Variants in FANCI observed in about 807,000 individuals in gnomAD.
The protein encoded by FANCI is FA complementation group I, also known as Fanconi anemia group I protein.
Under a neutral mutation model 176.1 loss-of-function variants are expected in FANCI, and 156 were observed. The observed-to-expected ratio is 0.89, with a 90% CI of 0.78 to 1.01. The LOEUF (loss-of-function observed/expected upper bound fraction) is 1.01. Among genes scored for constraint, FANCI ranks in the 50% least tolerant of loss-of-function variants. FANCI has a pLI of 0.00. For synonymous variants in FANCI, 613 were observed against 541.7 expected (o/e 1.13, Z -1.83); for missense variants, 1,678 against 1,534.1 (o/e 1.09, Z -1.57).
intron 13 of FANCI, 137 bp from the exon 14 acceptor site, chr15:89,278,550 C>T (rs1218507896): frequency 4.4e-6 from 3 of 686,288 alleles, no homozygotes; most frequent in African/African-American, 1.8e-5. Flanking sequence ...TCTGTCTTTC[C>T]AGATGATTCA....
At chr15:89,296,112 G>A (rs115050147) in intron 24 of FANCI, among the ~76,000 whole-genome samples, 1,695 of 151,870 alleles carry the variant, frequency 0.011, 29 homozygotes, top group African/African-American at 0.039. Flanking sequence ...GGATTACAGG[G>A]CACCACCATG....
chr15:89,282,080 C>T lies in FANCI; in HGVS notation c.1583+245C>T, dbSNP rs550822932. ...CATTTTACAGATAAGAAAAGTTAGG[C>T]TTAGAGAAGATGAGTGACTTTCCAA... is the stretch of plus-strand genomic sequence containing the variant. On this transcript the variant is annotated intron_variant, in intron 16 of 37. Transcript: ENST00000310775. 209 of 479,590 alleles carry T rather than the reference C, an allele frequency of 4.4e-4. 1 individual carries two copies. The highest frequency in any genetic ancestry group is 2.0e-3 in the Middle Eastern group (5 of 2,524). The allele number at this position is 479,590 out of a possible 1,614,324, so 29.7% of individuals were successfully genotyped here.
At chr15:89,259,814 T>G (rs958976393) in intron 3 of FANCI, among the ~76,000 whole-genome samples, 1 of 152,256 alleles carries the variant, frequency 6.6e-6, no homozygotes, top group Non-Finnish European at 1.5e-5. Context: ...TGTTGTAATA[T>G]GTATCAGTAC....
At chr15:89,261,132 C>T (rs1489769512) in intron 4 of FANCI, among the ~76,000 whole-genome samples, 1 of 152,090 alleles carries the variant, frequency 6.6e-6, no homozygotes, top group East Asian at 1.9e-4. Flanking sequence ...ATTAGCCGGG[C>T]TCGTGGCGCA....
chr15:89,304,172 G>A (rs2054626341), intron 28 of FANCI, among the ~76,000 whole-genome samples: 2 of 152,168 alleles, frequency 1.3e-5, no homozygotes, highest in South Asian at 4.1e-4. Context: ...TTAAACATAT[G>A]CCTATGACTC....
chr15:89,302,132 TCTA>T (rs1168118425), intron 27 of FANCI, among the ~76,000 whole-genome samples: 2 of 152,170 alleles, frequency 1.3e-5, no homozygotes, highest in African/African-American at 2.4e-5. Context: ...TCCTACCACA[TCTA>T]CTTCCTGGGC....
chr15:89,251,949 G>A (rs1211122535), intron 2 of FANCI, among the ~76,000 whole-genome samples: 1 of 152,274 alleles, frequency 6.6e-6, no homozygotes, highest in South Asian at 2.1e-4. Context: ...ACTATATAAT[G>A]TTCTGATTGG....
intron 27 of FANCI, among the ~76,000 whole-genome samples, chr15:89,302,636 C>T (rs1596320590): frequency 6.6e-6 from 1 of 151,396 alleles, no homozygotes; most frequent in East Asian, 1.9e-4. Flanking sequence ...TGTAGTGGCG[C>T]CATCTCAGCT....
In FANCI at chr15:89,261,645, A is replaced by G. The variant is rs548947826; in HGVS notation, c.349A>G (p.Arg117Gly). The change falls in exon 5 of 38, where the codon AGA becomes GGA. Residue 117 changes from arginine (R) to glycine (G), a missense_variant. Physicochemically the swap from Arg to Gly is moderately radical, Grantham distance 125. Coordinates refer to ENST00000310775, the MANE Select transcript of FANCI (RefSeq NM_001113378.2). ...ELANEFISAVREGSLVNGKSL... is the reference protein window; with the variant it reads ...ELANEFISAVGEGSLVNGKSL... ...AGCCAATGAGTTTATTAGTGCTGTC[A>G]GAGAAGGCAGCCTAGTGAATGGAAA... 1.9e-6 allele frequency: 3 copies of G among 1,614,002 alleles called. No individual in the cohort carries two copies. Among genetic ancestry groups the G allele is most frequent in the Non-Finnish European group, 2.5e-6 (3 of 1,179,968 alleles).
chr15:89,288,912 A>T (rs1268257965), intron 18 of FANCI, among the ~76,000 whole-genome samples: 1 of 151,960 alleles, frequency 6.6e-6, no homozygotes, highest in Non-Finnish European at 1.5e-5. Context: ...AAGTGCTGGG[A>T]TTAAAAGCAT....
chr15:89,311,051 T>A (rs1338642762), intron 34 of FANCI, among the ~76,000 whole-genome samples: 1 of 150,708 alleles, frequency 6.6e-6, no homozygotes, highest in Non-Finnish European at 1.5e-5. Flanking sequence ...AGGTCAGGAG[T>A]TCGAAACTAG....
rs2054520435 is a variant in FANCI at position 89,301,414 on chromosome 15, C to G, written c.2978C>G (p.Ser993Cys). The G allele has an allele frequency of 6.2e-7, 1 of 1,613,868 alleles. No homozygotes were observed. Among genetic ancestry groups the G allele is most frequent in the Admixed American group, 1.7e-5 (1 of 60,004 alleles). ...CTAGTCACGGTTCTTACCAGTTTGT[C>G]CAAGTTACTGGAGCCCTCCTCTCCT... Reference protein sequence around the residue: ...LLLVTVLTSLSKLLEPSSPQF... With the variant: ...LLLVTVLTSLCKLLEPSSPQF... Residue 993 changes from serine (S) to cysteine (C), a missense_variant, in exon 27 of 38, where the codon TCC (serine) becomes TGC (cysteine). Transcript: ENST00000310775.
chr15:89,295,724 C>A (rs2054234701), intron 24 of FANCI, among the ~76,000 whole-genome samples: 1 of 142,802 alleles, frequency 7.0e-6, no homozygotes, highest in Admixed American at 6.9e-5. Context: ...GTCTTGCCTT[C>A]CCCTGGCGCC....
chr15:89,293,581 G>T (rs181267797), intron 22 of FANCI, among the ~76,000 whole-genome samples: 1 of 152,128 alleles, frequency 6.6e-6, no homozygotes, highest in Non-Finnish European at 1.5e-5. Context: ...CTAGCTACTC[G>T]GGAGGCTGAG....
chr15:89,261,219 C>T (rs768800510), intron 4 of FANCI, among the ~76,000 whole-genome samples: 2 of 152,022 alleles, frequency 1.3e-5, no homozygotes, highest in Non-Finnish European at 2.9e-5. Flanking sequence ...TGCAGTGAGC[C>T]GAGATTGCAC....
chr15:89,258,501 A>G (rs1481332686), intron 2 of FANCI, among the ~76,000 whole-genome samples: 1 of 152,204 alleles, frequency 6.6e-6, no homozygotes, highest in African/African-American at 2.4e-5. Context: ...TGTTTATAGA[A>G]TGAGTAAGAA....
At chr15:89,290,386 C>A in intron 19 of FANCI, 105 bp downstream of exon 19, 1 of 882,696 alleles carries the variant, frequency 1.1e-6, no homozygotes, top group Non-Finnish European at 1.9e-6. Flanking sequence ...CCAACTAGTA[C>A]ATTAGTACTT....
chr15:89,285,332 A>G (rs1596292470), intron 18 of FANCI, 114 bp downstream of exon 18: 1 of 1,373,388 alleles, frequency 7.3e-7, no homozygotes, highest in Non-Finnish European at 1.0e-6. Context: ...TGATGTAGTC[A>G]GCACCAGTAG....
chr15:89,269,259 A>AT (rs2053104790), intron 10 of FANCI, among the ~76,000 whole-genome samples: 1 of 152,220 alleles, frequency 6.6e-6, no homozygotes, highest in Admixed American at 6.5e-5. Flanking sequence ...ATGCCTGAAT[A>AT]TTTCAGCATG....
Sources: gnomAD v4.1 joint callset for allele counts (sites outside exome capture counted in the v4.1 genomes callset) on GRCh38, gnomAD v4.1.1 for gene constraint, MANE v1.5 for transcripts, NCBI Gene and HGNC (gene_info 2026-07-23, HGNC 2026-07-21) for gene names.